Variants in AKR1E2 observed in about 807,000 individuals in gnomAD.
AKR1E2 encodes 1,5-anhydro-D-fructose reductase.
In AKR1E2, 43 loss-of-function variants were observed where a neutral mutation model predicts 41.9. The observed-to-expected ratio is 1.03, with a 90% CI of 0.80 to 1.32. The LOEUF is 1.32. AKR1E2 is among the 40% of genes most tolerant of loss of function. AKR1E2 has a pLI of 0.00. For missense variants in AKR1E2, 423 were observed against 396.5 expected, an observed-to-expected ratio of 1.07 and a Z score of -0.57; for synonymous variants, 121 against 138.9, an observed-to-expected ratio of 0.87 and a Z score of 0.91.
chr10:4,833,079 A>G lies in AKR1E2; in HGVS notation c.208-271A>G, dbSNP rs115936664. On this transcript the variant is annotated intron_variant, in intron 2 of 9. Transcript: ENST00000298375. ...TTTGTTTTTGGTCCCAATGAATCCA[A>G]ATAACCATCAAATATCTCTTGGATT... 1.4e-3 allele frequency among the ~76,000 whole-genome samples: 209 copies of G among 152,294 alleles called. 1 individual carries two copies. Among genetic ancestry groups the G allele is most frequent in the African/African-American group, 4.8e-3 (199 of 41,550 alleles).
At chr10:4,841,969 TC>T in intron 7 of AKR1E2, 112 bp downstream of exon 7, 3 of 899,820 alleles carry the variant, frequency 3.3e-6, no homozygotes, top group Non-Finnish European at 3.3e-6. Context: ...CCCAGGTGAG[TC>T]CATGACTCAT....
At chr10:4,825,927 G>C (rs540418356), upstream of AKR1E2, among the ~76,000 whole-genome samples, 14 of 152,030 alleles carry the variant, frequency 9.2e-5, no homozygotes, top group East Asian at 1.9e-4. Context: ...CACACCTAAG[G>C]TGGGGGCGTG....
the AKR1E2 span, among the ~76,000 whole-genome samples, chr10:4,867,991 G>A: frequency 6.6e-6 from 1 of 152,166 alleles, no homozygotes; most frequent in East Asian, 1.9e-4. Flanking sequence ...AATGGCTCCA[G>A]TTTTAAGATG....
the AKR1E2 span, among the ~76,000 whole-genome samples, chr10:4,866,037 A>G: frequency 3.3e-5 from 5 of 152,298 alleles, no homozygotes; most frequent in African/African-American, 1.2e-4. Flanking sequence ...AGCAGTACCA[A>G]ATCCCAGGAC....
intron 1 of AKR1E2, among the ~76,000 whole-genome samples, chr10:4,826,775 AAGAG>A (rs1194055285): frequency 6.6e-6 from 1 of 152,122 alleles, no homozygotes; most frequent in Non-Finnish European, 1.5e-5. Flanking sequence ...CTCTCCAGCA[AAGAG>A]AGAAAGAAAA....
At chr10:4,866,579 G>A in the AKR1E2 span, among the ~76,000 whole-genome samples, 1 of 151,886 alleles carries the variant, frequency 6.6e-6, no homozygotes, top group African/African-American at 2.4e-5. Context: ...CAGGAGACCG[G>A]TGTTTTATTA....
intron 3 of AKR1E2, 56 bp downstream of exon 3, chr10:4,833,522 C>T: frequency 6.9e-7 from 1 of 1,450,510 alleles, no homozygotes; most frequent in Non-Finnish European, 9.7e-7. Flanking sequence ...TCCCCGTGCT[C>T]ACACCCTGTC....
At chr10:4,850,438 C>G (rs1564281939), downstream of AKR1E2, among the ~76,000 whole-genome samples, 1 of 152,176 alleles carries the variant, frequency 6.6e-6, no homozygotes, top group African/African-American at 2.4e-5. Context: ...AAATGGGCAT[C>G]AAGGAGCAAG....
intron 3 of AKR1E2, 22 bp downstream of exon 3, chr10:4,833,488 G>T: frequency 1.3e-6 from 2 of 1,596,128 alleles, no homozygotes; most frequent in Non-Finnish European, 1.7e-6. Flanking sequence ...TAGGTAGTTC[G>T]TTCTGCAGTT....
chr10:4,864,693 T>C, the AKR1E2 span, among the ~76,000 whole-genome samples: 15 of 152,138 alleles, frequency 9.9e-5, no homozygotes, highest in Non-Finnish European at 2.1e-4. Context: ...ATGACATGAT[T>C]GTATATCTAG....
chr10:4,845,738 G>A (rs1233441143), intron 8 of AKR1E2: 2 of 471,112 alleles, frequency 4.2e-6, no homozygotes, highest in Admixed American at 2.3e-5. Context: ...GTGACACGGG[G>A]ACCTTGGGCC....
the AKR1E2 span, among the ~76,000 whole-genome samples, chr10:4,863,669 G>C: frequency 8.6e-5 from 13 of 151,984 alleles, no homozygotes; most frequent in Non-Finnish European, 2.9e-5. Context: ...AATGAATCCA[G>C]GAGCTGGTTT....
intron 1 of AKR1E2, 147 bp downstream of exon 1, chr10:4,826,510 G>GGCCGCCC: frequency 1.4e-6 from 1 of 719,516 alleles, no homozygotes; most frequent in Non-Finnish European, 1.9e-6. Flanking sequence ...CTGCTGAGGT[G>GGCCGCCC]GCCGCCCACC....
intron 8 of AKR1E2, chr10:4,846,122 C>T (rs1437150534): frequency 3.9e-5 from 12 of 308,624 alleles, no homozygotes; most frequent in Admixed American, 1.6e-4. Flanking sequence ...CCGCCTACCC[C>T]GGCCCCAGCA....
At position 4,826,211 on chromosome 10, in the gene AKR1E2, C is replaced by T. The variant is rs1268084521; in HGVS notation, c.-114C>T. 16 of 806,338 alleles carry T rather than the reference C, an allele frequency of 2.0e-5. No individual in the cohort carries two copies. The highest frequency in any genetic ancestry group is 2.3e-5 in the Non-Finnish European group (14 of 598,368). 49.9% of individuals were successfully genotyped at this position (806,338 alleles called of 1,614,324 possible). A position where few individuals can be genotyped will look rare whatever the true frequency, so the allele number is the denominator to read the frequency against. On this transcript the variant is annotated 5_prime_UTR_variant, in exon 1 of 10. Transcript: ENST00000298375. ...GCCATTGTCGGAGTGTCAGCCGTCA[C>T]AAGGCACTTCCAGCCAGTCGCAACG...
intron 8 of AKR1E2, among the ~76,000 whole-genome samples, chr10:4,844,265 G>T (rs1423524307): frequency 3.9e-5 from 6 of 151,970 alleles, no homozygotes; most frequent in Non-Finnish European, 5.9e-5. Context: ...AAGGTGGCGC[G>T]TCTGGAGTTG....
intron 8 of AKR1E2, among the ~76,000 whole-genome samples, chr10:4,844,169 T>C (rs951852322): frequency 6.6e-6 from 1 of 152,176 alleles, no homozygotes; most frequent in Non-Finnish European, 1.5e-5. Flanking sequence ...TCGGATGTGT[T>C]CGGAGTTTCT....
the AKR1E2 span, among the ~76,000 whole-genome samples, chr10:4,858,851 T>C: frequency 7.5e-6 from 1 of 133,426 alleles, no homozygotes; most frequent in South Asian, 2.3e-4. Context: ...TGAGATGGAG[T>C]CTCACTTTGT....
chr10:4,831,089 A>G (rs1249950942), intron 2 of AKR1E2, among the ~76,000 whole-genome samples: 1 of 152,256 alleles, frequency 6.6e-6, no homozygotes, highest in Non-Finnish European at 1.5e-5. Context: ...AAATTCAGTT[A>G]GTGATGGGCA....
Sources: allele counts gnomAD v4.1 joint callset (sites outside exome capture counted in the v4.1 genomes callset), GRCh38; gene constraint gnomAD v4.1.1; transcripts MANE v1.5; gene names NCBI Gene and HGNC (gene_info 2026-07-23, HGNC 2026-07-21).